CHID1: variants seen among roughly 807,000 people sequenced by gnomAD.
CHID1 encodes the protein chitinase domain-containing protein 1.
A neutral mutation model predicts 55.4 loss-of-function variants in CHID1; 44 were observed. That is an observed-to-expected ratio of 0.79 (90% CI 0.62 to 1.02). CHID1 has a LOEUF of 1.02. Among genes scored for constraint, CHID1 ranks in the 50% least tolerant of loss-of-function variants. The pLI is 0.00. For synonymous variants in CHID1, 216 were observed against 212.9 expected (o/e 1.01, Z -0.13); for missense variants, 491 against 515.3 (o/e 0.95, Z 0.46).
intron 8 of CHID1, among the ~76,000 whole-genome samples, chr11:890,041 T>G (rs1850689051): frequency 6.6e-6 from 1 of 151,760 alleles, no homozygotes; most frequent in African/African-American, 2.4e-5. Context: ...CCCCATGGCC[T>G]TGGGTCCCCT....
rs1476897031 is a variant in CHID1 at position 884,234 on chromosome 11, G to A, written c.702-65C>T. The A allele has an allele frequency of 1.7e-5, 22 of 1,331,492 alleles. No individual in the cohort carries two copies. In the Admixed American group the frequency reaches 2.4e-4, roughly 15 times the overall value. 82.5% of individuals were successfully genotyped at this position (1,331,492 alleles called of 1,614,324 possible). On this transcript the variant is annotated intron_variant, in intron 8 of 12. Transcript: ENST00000323578. ...CTGCCTGAAGCCCCTCCCCAGCTGC[G>A]GTTCGAGCAAGCTGCCTGTAGGGGA...
rs770223032 is a variant in CHID1, at chr11:884,123, C to A, written c.748G>T (p.Ala250Ser). ...MFTHKEFEQL[A>S]PVLDGFSLMT... ...AGGCTGAAACCATCCAGCACGGGGG[C>A]CAGCTGCTCAAACTCCTTGTGCGTG... The change falls in exon 9 of 13, where the codon GCC (alanine) becomes TCC (serine). Residue 250 changes from alanine to serine, a missense_variant. Ala to Ser is a moderately conservative substitution (Grantham distance 99). Transcript: ENST00000323578. 1.2e-5 allele frequency: 20 copies of A among 1,614,148 alleles called. No individual in the cohort carries two copies. In the South Asian group the frequency reaches 2.2e-4, roughly 18 times the overall value.
chr11:898,832 G>A (rs1004652401), intron 7 of CHID1, among the ~76,000 whole-genome samples: 2 of 152,306 alleles, frequency 1.3e-5, no homozygotes, highest in East Asian at 1.9e-4. Context: ...TGCTGTGGCC[G>A]CCTCCCGGTG....
chr11:902,204 C>T lies in CHID1; in HGVS notation c.388G>A (p.Asp130Asn). 1 of 1,613,926 alleles carries T rather than the reference C, an allele frequency of 6.2e-7. No homozygotes were observed. The highest frequency in any genetic ancestry group is 1.1e-5 in the South Asian group (1 of 91,074). ...AAGCAGGAAGGATGAGAACCTTGGT[C>T]CACGTCGTGGAGGCCCGTGACCTCA... Reference protein sequence around the residue: ...MFEVTGLHDVDQGWMRAVRKH... With the variant: ...MFEVTGLHDVNQGWMRAVRKH... Residue 130 changes from aspartate (D) to asparagine (N), a missense_variant, in exon 4 of 13, where the codon GAC (aspartate) becomes AAC (asparagine). Coordinates refer to ENST00000323578, the MANE Select transcript of CHID1 (RefSeq NM_023947.4).
intron 7 of CHID1, 45 bp downstream of exon 7, chr11:899,295 C>G (rs368971243): frequency 6.6e-4 from 1,033 of 1,555,640 alleles, no homozygotes; most frequent in Non-Finnish European, 8.5e-4. Flanking sequence ...CTTCAAACAC[C>G]AGGGCCAGGA....
At chr11:903,781 C>CAA (rs769910249) in intron 2 of CHID1, 21 of 176,060 alleles carry the variant, frequency 1.2e-4, no homozygotes, top group South Asian at 3.8e-4. Context: ...AACTTCACCT[C>CAA]AAAAAAAAAA....
At chr11:880,879 T>A (rs967898510) in intron 10 of CHID1, among the ~76,000 whole-genome samples, 4 of 152,118 alleles carry the variant, frequency 2.6e-5, no homozygotes. Flanking sequence ...AGAACAAAGA[T>A]TAAGATGATT....
rs199889492 is a variant in CHID1 at position 893,417 on chromosome 11, C to T, written c.701+10G>A. On this transcript the variant is annotated intron_variant, in intron 8 of 12. Coordinates refer to ENST00000323578, the MANE Select transcript of CHID1 (RefSeq NM_023947.4). The stretch of plus-strand genomic sequence containing the variant: ...CACAGCCACCCCCACATCTCAAGAG[C>T]GGCACTTACCCGGGGGTGATGGCAG... The T allele has an allele frequency of 2.3e-5, 35 of 1,546,170 alleles. No individual in the cohort carries two copies. The Middle Eastern group carries it at 6.6e-4, about 29-fold the overall frequency.
intron 5 of CHID1, 47 bp downstream of exon 5, chr11:900,889 C>A (rs767656493): frequency 6.5e-7 from 1 of 1,547,868 alleles, no homozygotes; most frequent in East Asian, 2.4e-5. Flanking sequence ...TGTCCACCCC[C>A]GCAGTTTGAG....
At chr11:890,096 C>G (rs1850694329) in intron 8 of CHID1, among the ~76,000 whole-genome samples, 1 of 152,192 alleles carries the variant, frequency 6.6e-6, no homozygotes, top group Admixed American at 6.5e-5. Context: ...CTCACGATGG[C>G]TGCTCTACTG....
At chr11:898,833 C>T (rs1319221622) in intron 7 of CHID1, among the ~76,000 whole-genome samples, 1 of 152,212 alleles carries the variant, frequency 6.6e-6, no homozygotes, top group African/African-American at 2.4e-5. Context: ...GCTGTGGCCG[C>T]CTCCCGGTGG....
chr11:886,622 AAG>A (rs922803603), intron 8 of CHID1, among the ~76,000 whole-genome samples: 1 of 152,166 alleles, frequency 6.6e-6, no homozygotes, highest in African/African-American at 2.4e-5. Context: ...TCCCTATGAG[AAG>A]AGACACCACA....
Position 884,352 on chromosome 11 carries a change from C to T in CHID1, c.702-183G>A, listed in dbSNP as rs945285197. 2.0e-5 allele frequency among the ~76,000 whole-genome samples: 3 copies of T among 152,224 alleles called. 1 individual carries two copies. Among genetic ancestry groups the T allele is most frequent in the Admixed American group, 6.5e-5 (1 of 15,290 alleles). On this transcript the variant is annotated intron_variant, in intron 8 of 12. Transcript: ENST00000323578. ...GCCACAGAGGCTGGGGGCTGGGAGA[C>T]ACAGGGGGATGTGGTCATCGGGGCC...
chr11:883,286 G>C lies in CHID1; in HGVS notation c.821C>G (p.Pro274Arg). Residue 274 changes from proline (P) to arginine (R), a missense_variant, in exon 10 of 13, where the codon CCC (proline) becomes CGC (arginine). Transcript: ENST00000323578. ...GACGCAGGCTCGAACCCAGGACAGG[G>C]GTGCATTAGGGCCAGGCCTGCAGGG... ...STAHQPGPNA[P>R]LSWVRACVQV... The C allele has an allele frequency of 6.2e-7, 1 of 1,613,474 alleles. No homozygotes were observed. Among genetic ancestry groups the C allele is most frequent in the Non-Finnish European group, 8.5e-7 (1 of 1,179,574 alleles).
chr11:885,090 C>G (rs576850429), intron 8 of CHID1, among the ~76,000 whole-genome samples: 406 of 152,344 alleles, frequency 2.7e-3, no homozygotes, highest in Admixed American at 4.5e-3. Context: ...GGGGACGCGG[C>G]CGGAGGAGCA....
Position 900,035 on chromosome 11 carries a change from T to C in CHID1, c.515A>G (p.Glu172Gly). 6.2e-7 allele frequency: 1 copy of C among 1,614,034 alleles called. No homozygotes were observed. The highest frequency in any genetic ancestry group is 2.2e-5 in the East Asian group (1 of 44,882). The change falls in exon 6 of 13, where the codon GAG becomes GGG. Residue 172 changes from glutamate (E) to glycine (G), a missense_variant. Transcript: ENST00000323578. ...NVLDSEDEIE[E>G]LSKTVVQVAK... ...CACCTGGACCACGGTCTTGCTCAGCTCCTCTATCTCATCCTCACTGTCTAA... is the reference window on the plus strand; with the variant it reads ...CACCTGGACCACGGTCTTGCTCAGCCCCTCTATCTCATCCTCACTGTCTAA...
upstream of CHID1, chr11:914,736 A>G (rs981877839): frequency 5.7e-6 from 2 of 351,078 alleles, no homozygotes; most frequent in Admixed American, 4.1e-5. Context: ...AAAAAAAAAA[A>G]TTACTCACAC....
chr11:890,259 G>A (rs937242909), intron 8 of CHID1, among the ~76,000 whole-genome samples: 4 of 152,320 alleles, frequency 2.6e-5, no homozygotes, highest in Admixed American at 1.3e-4. Flanking sequence ...CTGCCAGCAC[G>A]CGGCCTGCCC....
chr11:877,291 A>G (rs1849582434), intron 10 of CHID1, among the ~76,000 whole-genome samples: 2 of 152,172 alleles, frequency 1.3e-5, no homozygotes, highest in Non-Finnish European at 2.9e-5. Flanking sequence ...TGTTTTGGAG[A>G]CAGGGTCTTG....
Sources: allele counts gnomAD v4.1 joint callset (sites outside exome capture counted in the v4.1 genomes callset), GRCh38; gene constraint gnomAD v4.1.1; transcripts MANE v1.5; gene names NCBI Gene and HGNC (gene_info 2026-07-23, HGNC 2026-07-21).